Variants in VGLL4 observed in about 807,000 individuals in gnomAD.
VGLL4 encodes the protein transcription cofactor vestigial-like protein 4.
VGLL4 carries 7 observed loss-of-function variants against 21.0 expected under a neutral mutation model. That is an observed-to-expected ratio of 0.33 (90% CI 0.19 to 0.63). The LOEUF (loss-of-function observed/expected upper bound fraction) is 0.63, where lower values mean the gene tolerates loss of function less well. VGLL4 is among the 20% of genes least tolerant of loss of function. The pLI, the probability that VGLL4 is intolerant of heterozygous loss-of-function variation, is 0.78. For missense variants in VGLL4, 394 were observed against 425.7 expected (o/e 0.93, Z 0.66); for synonymous variants, 222 against 173.2 (o/e 1.28, Z -2.21).
intron 1 of VGLL4, among the ~76,000 whole-genome samples, chr3:11,636,677 A>G (rs2075593461): frequency 1.3e-5 from 2 of 152,320 alleles, no homozygotes; most frequent in Admixed American, 6.5e-5. Context: ...TAAGCTATGT[A>G]TCTCCGGAAG....
intron 4 of VGLL4, 27 bp from the exon 5 acceptor site, chr3:11,558,854 T>G (rs760537184): frequency 1.2e-6 from 2 of 1,606,608 alleles, no homozygotes; most frequent in Non-Finnish European, 8.5e-7. Flanking sequence ...AGGCAGGCAG[T>G]CAGACACAGG....
chr3:11,592,058 C>G (rs1421950363), intron 2 of VGLL4, among the ~76,000 whole-genome samples: 1 of 152,234 alleles, frequency 6.6e-6, no homozygotes, highest in Admixed American at 6.5e-5. Flanking sequence ...AATTTCAGCA[C>G]TGACCCTACC....
intron 2 of VGLL4, among the ~76,000 whole-genome samples, chr3:11,694,599 G>A (rs1236096822): frequency 6.6e-6 from 1 of 151,550 alleles, no homozygotes; most frequent in Non-Finnish European, 1.5e-5. Context: ...TCCAGCCTGG[G>A]CAAGAGTGAG....
At chr3:11,718,556 A>G (rs1177483659) in intron 1 of VGLL4, among the ~76,000 whole-genome samples, 1 of 152,244 alleles carries the variant, frequency 6.6e-6, no homozygotes, top group Non-Finnish European at 1.5e-5. Context: ...AAAGTTTGGT[A>G]TGCTAACATG....
chr3:11,688,496 T>A (rs890787776), intron 2 of VGLL4, among the ~76,000 whole-genome samples: 1 of 152,198 alleles, frequency 6.6e-6, no homozygotes, highest in African/African-American at 2.4e-5. Context: ...TTCATCTACA[T>A]TTTCCATTTT....
chr3:11,591,262 T>C (rs1353137349), intron 2 of VGLL4, among the ~76,000 whole-genome samples: 1 of 152,234 alleles, frequency 6.6e-6, no homozygotes, highest in African/African-American at 2.4e-5. Flanking sequence ...AAACGTCCTC[T>C]AATAGGCGTT....
intron 2 of VGLL4, among the ~76,000 whole-genome samples, chr3:11,683,540 C>T (rs2076404385): frequency 6.6e-6 from 1 of 152,188 alleles, no homozygotes. Context: ...CTTCAGTGCT[C>T]ATCAATCGAT....
At position 11,565,380 on chromosome 3, in the gene VGLL4, G is replaced by A. The variant is rs774332518; in HGVS notation, c.273-361C>T. ...TAAGGACCTGCCATTTGGACAGGAC[G>A]GGGACGCTGACAACGATCCAGAGTC... is the stretch of plus-strand genomic sequence containing the variant. On this transcript the variant is annotated intron_variant, in intron 2 of 4. Coordinates refer to ENST00000430365, the MANE Select transcript of VGLL4 (RefSeq NM_001128219.3). This position sits in a 1 kb window ranked among gnomAD's most constrained non-coding sequence, Gnocchi z 4.1. 3.3e-5 allele frequency among the ~76,000 whole-genome samples: 5 copies of A among 152,098 alleles called. No homozygotes were observed. The highest frequency in any genetic ancestry group is 2.1e-4 in the South Asian group (1 of 4,818).
At chr3:11,685,346 G>A (rs1396487702) in intron 2 of VGLL4, among the ~76,000 whole-genome samples, 4 of 152,012 alleles carry the variant, frequency 2.6e-5, no homozygotes, top group Non-Finnish European at 4.4e-5. Context: ...ATACAGGCGC[G>A]TGCCCCCACA....
At chr3:11,622,736 CTT>C (rs2075287409) in intron 1 of VGLL4, among the ~76,000 whole-genome samples, 1 of 152,172 alleles carries the variant, frequency 6.6e-6, no homozygotes, top group African/African-American at 2.4e-5. Context: ...CGCCATTAAC[CTT>C]TAGGGTGTAG....
At chr3:11,702,953 A>G in intron 2 of VGLL4, 2 of 1,607,048 alleles carry the variant, frequency 1.2e-6, no homozygotes, top group Non-Finnish European at 1.7e-6. Flanking sequence ...GCTATTTTAT[A>G]ATAGACTCCT....
upstream of VGLL4, among the ~76,000 whole-genome samples, chr3:11,644,620 C>CGGAT (rs2075759148): frequency 6.6e-6 from 1 of 151,956 alleles, no homozygotes; most frequent in Non-Finnish European, 1.5e-5. Context: ...TCGAAGCAGG[C>CGGAT]GGATCACTTG....
intron 1 of VGLL4, among the ~76,000 whole-genome samples, chr3:11,602,879 ATTACT>A (rs66857931): frequency 0.017 from 2,610 of 152,316 alleles, 75 homozygotes; most frequent in African/African-American, 0.059. Flanking sequence ...AAGACGAATG[ATTACT>A]TTAAGAGAAA....
intron 2 of VGLL4, among the ~76,000 whole-genome samples, chr3:11,601,412 C>T (rs1012279013): frequency 6.6e-6 from 1 of 152,194 alleles, no homozygotes; most frequent in Non-Finnish European, 1.5e-5. Flanking sequence ...ACTTTACAGA[C>T]GTCTGCTTGG....
intron 1 of VGLL4, among the ~76,000 whole-genome samples, chr3:11,703,650 G>A (rs1223355086): frequency 6.6e-6 from 1 of 152,064 alleles, no homozygotes; most frequent in Non-Finnish European, 1.5e-5. Flanking sequence ...TTAAATTACA[G>A]CATACTATAA....
intron 1 of VGLL4, among the ~76,000 whole-genome samples, chr3:11,643,120 TAA>T (rs1309924615): frequency 6.6e-6 from 1 of 152,106 alleles, no homozygotes; most frequent in African/African-American, 2.4e-5. Flanking sequence ...GTCCTTCCCC[TAA>T]AGACAATATT....
At chr3:11,642,760 C>G (rs570148407) in intron 1 of VGLL4, among the ~76,000 whole-genome samples, 5 of 152,320 alleles carry the variant, frequency 3.3e-5, no homozygotes, top group African/African-American at 1.2e-4. Context: ...CGGCGCGGCT[C>G]TCTCTTTTTC....
At chr3:11,564,712 C>T in intron 3 of VGLL4, 85 bp downstream of exon 3, 3 of 1,470,140 alleles carry the variant, frequency 2.0e-6, no homozygotes, top group East Asian at 2.5e-5. Context: ...CCACCGCCCT[C>T]GGAGTCCTCT....
In VGLL4 at chr3:11,588,744, G is replaced by C. The variant is rs2074416464; in HGVS notation, c.272+13089C>G. 2.0e-5 allele frequency among the ~76,000 whole-genome samples: 3 copies of C among 152,264 alleles called. No homozygotes were observed. The South Asian group carries it at 6.2e-4, about 31-fold the overall frequency. On this transcript the variant is annotated intron_variant, in intron 2 of 4. Coordinates refer to ENST00000430365, the MANE Select transcript of VGLL4 (RefSeq NM_001128219.3). ...TGTATCAGTCATGAATAGGGGGACAGAAGGCAAGGAGTAGACTTGGTGAAG... is the reference window on the plus strand; with the variant it reads ...TGTATCAGTCATGAATAGGGGGACACAAGGCAAGGAGTAGACTTGGTGAAG...
Sources: gnomAD v4.1 joint callset for allele counts (sites outside exome capture counted in the v4.1 genomes callset) on GRCh38, gnomAD v4.1.1 for gene constraint, Gnocchi (gnomAD v3.1) non-coding constraint, MANE v1.5 for transcripts, NCBI Gene and HGNC (gene_info 2026-07-23, HGNC 2026-07-21) for gene names.